The following LOXL2 variants were observed in gnomAD, a reference collection of about 807,000 sequenced individuals.
LOXL2 encodes the protein lysyl oxidase like 2.
Under a neutral mutation model 93.0 loss-of-function variants are expected in LOXL2, and 70 were observed. The ratio of observed to expected loss-of-function variants is 0.75; its 90% CI spans 0.62 to 0.92. The LOEUF (loss-of-function observed/expected upper bound fraction) is 0.92. LOXL2 is among the 40% of genes least tolerant of loss of function. The pLI is 0.00. For synonymous variants in LOXL2, 438 were observed against 413.2 expected (o/e 1.06, Z -0.73); for missense variants, 973 against 1,054.9 (o/e 0.92, Z 1.08).
In LOXL2 at chr8:23,311,826, A is replaced by G. The variant is rs140066638; in HGVS notation, c.1637-1915T>C. Among the ~76,000 whole-genome samples the G allele has an allele frequency of 1.5e-3, 233 of 152,360 alleles. 1 individual carries two copies. Among genetic ancestry groups the G allele is most frequent in the African/African-American group, 5.2e-3 (215 of 41,588 alleles). ...AATTACTACTGCAACAAGAGCTGGC[A>G]GGAGATATGATGGGAATTGTAACGG... On this transcript the variant is annotated intron_variant, in intron 9 of 13. Transcript: ENST00000389131.
At chr8:23,343,230 G>C (rs1329007326) in intron 3 of LOXL2, among the ~76,000 whole-genome samples, 1 of 152,182 alleles carries the variant, frequency 6.6e-6, no homozygotes, top group African/African-American at 2.4e-5. Flanking sequence ...GTATATAATA[G>C]CAACAGCTAC....
chr8:23,323,034 G>A (rs371753864), intron 6 of LOXL2, among the ~76,000 whole-genome samples: 1 of 152,220 alleles, frequency 6.6e-6, no homozygotes, highest in Non-Finnish European at 1.5e-5. Flanking sequence ...GAGACAGCTG[G>A]TATCCAGGCT....
chr8:23,302,200 A>G (rs771380008), intron 11 of LOXL2, 37 bp from the exon 12 acceptor site: 2 of 1,609,394 alleles, frequency 1.2e-6, no homozygotes, highest in Non-Finnish European at 1.7e-6. Context: ...TCACCAGGGA[A>G]CCATGGCCCC....
intron 9 of LOXL2, among the ~76,000 whole-genome samples, chr8:23,314,094 T>A (rs1294745570): frequency 2.6e-5 from 4 of 151,894 alleles, no homozygotes; most frequent in Admixed American, 6.6e-5. Flanking sequence ...CACAATGAGA[T>A]ACCATCTCAC....
intron 8 of LOXL2, among the ~76,000 whole-genome samples, chr8:23,319,315 T>G (rs1165436756): frequency 1.3e-5 from 2 of 152,168 alleles, no homozygotes; most frequent in African/African-American, 4.8e-5. Flanking sequence ...AGAGCTCAGC[T>G]GTTCTCAGCT....
chr8:23,341,869 AG>A (rs1803887888), intron 3 of LOXL2, among the ~76,000 whole-genome samples: 1 of 152,334 alleles, frequency 6.6e-6, no homozygotes, highest in South Asian at 2.1e-4. Context: ...CCTGCCTGGC[AG>A]GGATCAGGGA....
intron 3 of LOXL2, among the ~76,000 whole-genome samples, chr8:23,359,705 C>T (rs537030270): frequency 1.8e-4 from 28 of 152,344 alleles, no homozygotes; most frequent in African/African-American, 6.3e-4. Context: ...TGTTACGCAG[C>T]AATTGATAAC....
intron 13 of LOXL2, 98 bp downstream of exon 13, chr8:23,298,738 C>T (rs1369490752): frequency 1.4e-6 from 1 of 725,388 alleles, no homozygotes; most frequent in Non-Finnish European, 2.5e-6. Context: ...GGCTGCATTC[C>T]CCGAGCTCTT....
intron 3 of LOXL2, among the ~76,000 whole-genome samples, chr8:23,357,568 AT>A (rs916480683): frequency 3.4e-5 from 5 of 148,312 alleles, no homozygotes; most frequent in East Asian, 2.0e-4. Flanking sequence ...TTCCAAAATC[AT>A]TTTTTTTTTC....
chr8:23,357,684 C>G (rs1804222670), intron 3 of LOXL2, among the ~76,000 whole-genome samples: 1 of 149,212 alleles, frequency 6.7e-6, no homozygotes, highest in Admixed American at 6.7e-5. Context: ...CAATGACTTT[C>G]TTATGCCAAG....
chr8:23,349,824 TC>T (rs1804060618), intron 3 of LOXL2, among the ~76,000 whole-genome samples: 1 of 151,808 alleles, frequency 6.6e-6, no homozygotes, highest in Admixed American at 6.6e-5. Context: ...ACAGAGTGGG[TC>T]CCCAAACATA....
intron 8 of LOXL2, among the ~76,000 whole-genome samples, chr8:23,318,451 AC>A (rs1450852541): frequency 1.8e-4 from 26 of 146,568 alleles, no homozygotes; most frequent in African/African-American, 2.7e-4. Flanking sequence ...ACACACACAC[AC>A]ACACACACAA....
At chr8:23,346,166 AAT>A (rs1803978786) in intron 3 of LOXL2, among the ~76,000 whole-genome samples, 3 of 141,940 alleles carry the variant, frequency 2.1e-5, no homozygotes, top group African/African-American at 5.3e-5. Context: ...TAAAAAATAA[AAT>A]AAAATAAATA....
intron 13 of LOXL2, 48 bp from the exon 14 acceptor site, chr8:23,298,170 G>A (rs768114515): frequency 2.1e-6 from 3 of 1,458,286 alleles, no homozygotes; most frequent in Non-Finnish European, 2.9e-6. Flanking sequence ...GAGATGCTCG[G>A]GCCTTGCCTG....
chr8:23,391,797 T>C (rs1159979817), intron 1 of LOXL2, among the ~76,000 whole-genome samples: 3 of 151,984 alleles, frequency 2.0e-5, no homozygotes, highest in Admixed American at 6.6e-5. Context: ...GCACAGACAC[T>C]GAGGTCAGGA....
intron 3 of LOXL2, among the ~76,000 whole-genome samples, chr8:23,345,469 G>A (rs1417173471): frequency 6.6e-6 from 1 of 152,222 alleles, no homozygotes. Flanking sequence ...GGAGAGCTGG[G>A]CTCCCAGCAT....
chr8:23,332,384 AC>A lies in LOXL2; in HGVS notation c.966+1016del, dbSNP rs1187368760. On this transcript the variant is annotated intron_variant, in intron 5 of 13. Transcript: ENST00000389131. ...ACACCCACACACACCCCACATACACACTCATACACACACACTCATACACACA... is the reference window on the plus strand; with the variant it reads ...ACACCCACACACACCCCACATACACATCATACACACACACTCATACACACA... Among the ~76,000 whole-genome samples, 503 of 100,480 alleles carry A rather than the reference AC, an allele frequency of 5.0e-3. 29 individuals are homozygous for A. The East Asian group carries it at 0.12, about 24-fold the overall frequency. The allele number at this position is 100,480 out of a possible 152,430, so 65.9% of individuals were successfully genotyped here.
At chr8:23,356,463 G>C (rs1223360241) in intron 3 of LOXL2, among the ~76,000 whole-genome samples, 2 of 152,198 alleles carry the variant, frequency 1.3e-5, no homozygotes, top group African/African-American at 4.8e-5. Flanking sequence ...GGTGGTCCAG[G>C]CGGTTCTCTA....
chr8:23,301,495 G>T (rs1407930462), intron 12 of LOXL2, among the ~76,000 whole-genome samples: 1 of 152,192 alleles, frequency 6.6e-6, no homozygotes, highest in African/African-American at 2.4e-5. Flanking sequence ...TATTCTTATA[G>T]ATTCACTTTG....
Sources: allele counts gnomAD v4.1 joint callset (sites outside exome capture counted in the v4.1 genomes callset), GRCh38; gene constraint gnomAD v4.1.1; transcripts MANE v1.5; gene names NCBI Gene and HGNC (gene_info 2026-07-23, HGNC 2026-07-21).